MRPL52: variants seen among roughly 807,000 people sequenced by gnomAD.
MRPL52 encodes the protein large ribosomal subunit protein mL52.
A neutral mutation model predicts 22.1 loss-of-function variants in MRPL52; 19 were observed. That is an observed-to-expected ratio of 0.86 (90% CI 0.60 to 1.26). MRPL52 has a LOEUF of 1.26. Ranked by LOEUF, MRPL52 falls within the 50% of genes most tolerant of loss-of-function variation. The probability of loss-of-function intolerance (pLI) is 0.00; values close to 1 mark genes in which losing one functional copy is unlikely to be tolerated. For synonymous variants in MRPL52, 50 were observed against 57.5 expected, an observed-to-expected ratio of 0.87 and a Z score of 0.59; for missense variants, 152 against 148.1, an observed-to-expected ratio of 1.03 and a Z score of -0.14.
At chr14:22,830,027 C>A in intron 1 of MRPL52, 26 bp from the exon 2 acceptor site, 2 of 1,613,916 alleles carry the variant, frequency 1.2e-6, no homozygotes, top group South Asian at 1.1e-5. Context: ...GGCCTCTCCC[C>A]CAACTCTGCT....
chr14:22,829,981 T>A (rs2039563786), intron 1 of MRPL52, 41 bp downstream of exon 1: 1 of 1,612,708 alleles, frequency 6.2e-7, no homozygotes, highest in African/African-American at 1.3e-5. Flanking sequence ...CGGGGGCCCT[T>A]TGGGGACGGG....
At chr14:22,833,907 C>T (rs1283750418) in intron 4 of MRPL52, among the ~76,000 whole-genome samples, 2 of 152,192 alleles carry the variant, frequency 1.3e-5, no homozygotes, top group Non-Finnish European at 2.9e-5. Flanking sequence ...AGGTGTGGGC[C>T]ACCATGCCTG....
chr14:22,833,352 C>T, intron 3 of MRPL52, 66 bp from the exon 4 acceptor site: 2 of 985,200 alleles, frequency 2.0e-6, no homozygotes, highest in Non-Finnish European at 3.3e-6. Context: ...ATTCCTATCA[C>T]AGTATTTGCA....
intron 3 of MRPL52, chr14:22,830,777 G>A: frequency 1.9e-6 from 1 of 525,192 alleles, no homozygotes; most frequent in Non-Finnish European, 3.4e-6. Flanking sequence ...GAACCTTAGA[G>A]AAGTTGAAGC....
chr14:22,831,843 C>CT (rs2039626794), intron 3 of MRPL52: 1 of 152,192 alleles, frequency 6.6e-6, no homozygotes, highest in African/African-American at 2.4e-5. Flanking sequence ...AAAGCATGGA[C>CT]TTTTTAAAAA....
At chr14:22,833,834 T>C (rs2039679614) in intron 4 of MRPL52, among the ~76,000 whole-genome samples, 1 of 152,188 alleles carries the variant, frequency 6.6e-6, no homozygotes, top group Admixed American at 6.5e-5. Context: ...TTGGTCAGAC[T>C]GGTCTTGAAC....
At chr14:22,831,106 C>CTTT (rs36143447) in intron 3 of MRPL52, 16,887 of 163,286 alleles carry the variant, frequency 0.1, 1,484 homozygotes, top group South Asian at 0.14. Flanking sequence ...CATATGACTG[C>CTTT]TTTTTTTTTT....
At position 22,833,470 on chromosome 14, in the gene MRPL52, G is replaced by A; in HGVS notation, c.207G>A (p.Arg69=). 6.2e-7 allele frequency: 1 copy of A among 1,613,512 alleles called. No homozygotes were observed. The highest frequency in any genetic ancestry group is 8.5e-7 in the Non-Finnish European group (1 of 1,179,452). The part of the protein sequence containing the change: ...MKGQLRRKAE[R]ETFARRVVLL... ...GCCAGCTTCGAAGAAAAGCTGAAAGGGAGACGTTTGCAGTGAGTGGTTAGA... is the reference window on the plus strand; with the variant it reads ...GCCAGCTTCGAAGAAAAGCTGAAAGAGAGACGTTTGCAGTGAGTGGTTAGA... The change falls in exon 4 of 5, where the codon AGG becomes AGA. Residue 69 remains arginine (R), a synonymous_variant. Transcript: ENST00000397496.
chr14:22,832,787 G>A (rs1021742981), intron 3 of MRPL52, among the ~76,000 whole-genome samples: 1 of 152,160 alleles, frequency 6.6e-6, no homozygotes, highest in African/African-American at 2.4e-5. Flanking sequence ...GCTGAGGCAG[G>A]AGAATTGCTT....
Position 22,830,224 on chromosome 14 carries a change from C to CT in MRPL52, c.126dup (p.Thr43TyrfsTer26). On this transcript the variant is annotated frameshift_variant, in exon 3 of 5. Coordinates refer to ENST00000397496, the MANE Select transcript of MRPL52 (RefSeq NM_180982.3). LOFTEE classifies it high-confidence loss of function. The stretch of plus-strand genomic sequence containing the variant: ...TGCCAACCCCTCCGGCTACGGGCCC[C>CT]TTACCGAGCTCCCAGACTGGTCATA... 1 of 1,614,262 alleles carries CT rather than the reference C, an allele frequency of 6.2e-7. No homozygotes were observed. The highest frequency in any genetic ancestry group is 8.5e-7 in the Non-Finnish European group (1 of 1,180,042).
At position 22,829,929 on chromosome 14, in the gene MRPL52, C is replaced by T. The variant is rs1479669844; in HGVS notation, c.17C>T (p.Thr6Ile). The T allele has an allele frequency of 1.3e-6, 2 of 1,571,202 alleles. No individual in the cohort carries two copies. Among genetic ancestry groups the T allele is most frequent in the South Asian group, 1.1e-5 (1 of 89,564 alleles). ...CTGCTCAGCATGGCTGCTTTAGGGA[C>T]TGTTCTCTTCAGTGAGTGGGTATAG... MAALG[T>I]VLFSVRRLHC... Residue 6 changes from threonine to isoleucine, a missense_variant, in exon 1 of 5, where the codon ACT (threonine) becomes ATT (isoleucine). Transcript: ENST00000397496.
intron 2 of MRPL52, 38 bp downstream of exon 2, chr14:22,830,148 C>A: frequency 6.8e-6 from 11 of 1,614,214 alleles, no homozygotes; most frequent in Non-Finnish European, 9.3e-6. Flanking sequence ...GGACCAGAAG[C>A]TGGGCTAGGT....
At chr14:22,830,558 T>G in intron 3 of MRPL52, 1 of 455,268 alleles carries the variant, frequency 2.2e-6, no homozygotes. Context: ...ACATTTTTTT[T>G]TAACCAAGAA....
At chr14:22,832,502 G>A (rs1312329616) in intron 3 of MRPL52, among the ~76,000 whole-genome samples, 6 of 151,732 alleles carry the variant, frequency 4.0e-5, no homozygotes, top group African/African-American at 1.2e-4. Flanking sequence ...CACCACGCCC[G>A]GCTAATTTTT....
rs1252522677 is a variant in MRPL52 at position 22,830,985 on chromosome 14, G to A, written c.154+731G>A. 2.9e-5 allele frequency: 45 copies of A among 1,533,312 alleles called. 1 individual carries two copies. The Middle Eastern group carries it at 5.0e-3, about 171-fold the overall frequency. The allele number at this position is 1,533,312 out of a possible 1,614,324, so 95.0% of individuals were successfully genotyped here. Reference sequence around the variant, plus strand: ...CTAGGGGTATGATCCTGCTTAATTGGATAATTGGTGACTGAGGAAGATGGT... The same window carrying A: ...CTAGGGGTATGATCCTGCTTAATTGAATAATTGGTGACTGAGGAAGATGGT... On this transcript the variant is annotated intron_variant, in intron 3 of 4. Transcript: ENST00000397496.
In MRPL52 at chr14:22,834,328, A is replaced by C. The variant is rs754588844; in HGVS notation, c.*7A>C. 7.5e-6 allele frequency: 12 copies of C among 1,604,464 alleles called. No homozygotes were observed. In the East Asian group the frequency reaches 2.5e-4, roughly 33 times the overall value. On this transcript the variant is annotated 3_prime_UTR_variant, in exon 5 of 5. Coordinates refer to ENST00000397496, the MANE Select transcript of MRPL52 (RefSeq NM_180982.3). ...CCCACTTCCAAGTCAATAAAAAGCA[A>C]CTCCTGCCTCCCTTCCTCACCCTGT... is the stretch of plus-strand genomic sequence containing the variant.
chr14:22,830,577 C>T, intron 3 of MRPL52: 1 of 432,722 alleles, frequency 2.3e-6, no homozygotes, highest in Non-Finnish European at 4.1e-6. Flanking sequence ...AACCACTTTT[C>T]TCTGTGGTTA....
At position 22,834,405 on chromosome 14, in the gene MRPL52, C is replaced by G. The variant is rs572650580; in HGVS notation, c.*84C>G. On this transcript the variant is annotated 3_prime_UTR_variant, in exon 5 of 5. Coordinates refer to ENST00000397496, the MANE Select transcript of MRPL52 (RefSeq NM_180982.3). ...ATGCTTCATCCAGCCAGAAGATAGCCTTCACGTTCCCCATCTGTCTTCAGA... is the reference window on the plus strand; with the variant it reads ...ATGCTTCATCCAGCCAGAAGATAGCGTTCACGTTCCCCATCTGTCTTCAGA... 51 of 1,424,086 alleles carry G rather than the reference C, an allele frequency of 3.6e-5. 1 individual carries two copies. In the South Asian group the frequency reaches 7.0e-4, roughly 19 times the overall value. The allele number at this position is 1,424,086 out of a possible 1,614,324, so 88.2% of individuals were successfully genotyped here.
chr14:22,834,310 C>G lies in MRPL52; in HGVS notation c.358C>G (p.Pro120Ala). ...AGGGGCTTCACTGAAGAGCCCACTT[C>G]CAAGTCAATAAAAAGCAACTCCTGC... ...PKGASLKSPL[P>A]SQ Residue 120 changes from proline (P) to alanine (A), a missense_variant, in exon 5 of 5, where the codon CCA becomes GCA. Pro to Ala is a conservative substitution (Grantham distance 27, BLOSUM62 -1). Coordinates refer to ENST00000397496, the MANE Select transcript of MRPL52 (RefSeq NM_180982.3). 1 of 1,610,714 alleles carries G rather than the reference C, an allele frequency of 6.2e-7. No homozygotes were observed. Among genetic ancestry groups the G allele is most frequent in the Non-Finnish European group, 8.5e-7 (1 of 1,178,976 alleles).
Sources: gnomAD v4.1 joint callset for allele counts (sites outside exome capture counted in the v4.1 genomes callset) on GRCh38, gnomAD v4.1.1 for gene constraint, MANE v1.5 for transcripts, NCBI Gene and HGNC (gene_info 2026-07-23, HGNC 2026-07-21) for gene names.